The following COG5 variants were observed in gnomAD, a reference collection of about 807,000 sequenced individuals.
The protein encoded by COG5 is conserved oligomeric Golgi complex subunit 5.
Under a neutral mutation model 110.4 loss-of-function variants are expected in COG5, and 86 were observed. That is an observed-to-expected ratio of 0.78 (90% confidence interval 0.65 to 0.93). The LOEUF is 0.93. Ranked by LOEUF, COG5 falls within the 40% of genes least tolerant of loss-of-function variation. The pLI, the probability that COG5 is intolerant of heterozygous loss-of-function variation, is 0.00. For missense variants in COG5, 1,077 were observed against 987.0 expected, an observed-to-expected ratio of 1.09 and a Z score of -1.22; for synonymous variants, 360 against 334.6, an observed-to-expected ratio of 1.08 and a Z score of -0.83.
At chr7:107,300,635 A>G (rs969600235) in intron 11 of COG5, among the ~76,000 whole-genome samples, 1 of 152,178 alleles carries the variant, frequency 6.6e-6, no homozygotes, top group East Asian at 1.9e-4. Context: ...ATAGCTGCAC[A>G]CTGAAAACTA....
chr7:107,258,967 T>G (rs1584584582), intron 14 of COG5, among the ~76,000 whole-genome samples: 1 of 152,238 alleles, frequency 6.6e-6, no homozygotes, highest in East Asian at 1.9e-4. Context: ...TTACTATGAT[T>G]TTTTATAGAT....
chr7:107,467,269 T>C (rs1240658459), intron 6 of COG5, among the ~76,000 whole-genome samples: 3 of 152,190 alleles, frequency 2.0e-5, no homozygotes, highest in African/African-American at 7.2e-5. Flanking sequence ...TATATAAAGG[T>C]TATATTAATT....
At chr7:107,244,216 C>A (rs1034827523) in intron 17 of COG5, among the ~76,000 whole-genome samples, 1 of 152,144 alleles carries the variant, frequency 6.6e-6, no homozygotes, top group Non-Finnish European at 1.5e-5. Context: ...CACGCCACTG[C>A]ACTCCAGCCT....
chr7:107,547,337 A>G lies in COG5; in HGVS notation c.417+774T>C, dbSNP rs368617809. Among the ~76,000 whole-genome samples the G allele has an allele frequency of 7.9e-5, 12 of 152,316 alleles. 1 individual carries two copies. In the East Asian group the frequency reaches 1.2e-3, roughly 15 times the overall value. On this transcript the variant is annotated intron_variant, in intron 5 of 21. Transcript: ENST00000297135. Reference sequence around the variant, plus strand: ...AAATTCAACAACACATCGTGTTAAAAACTCAAAAAAAACTCTATAGAAGGA... The same window carrying G: ...AAATTCAACAACACATCGTGTTAAAGACTCAAAAAAAACTCTATAGAAGGA...
intron 6 of COG5, among the ~76,000 whole-genome samples, chr7:107,479,576 A>G (rs1289981021): frequency 6.6e-6 from 1 of 152,154 alleles, no homozygotes; most frequent in African/African-American, 2.4e-5. Flanking sequence ...GAAAACTGGC[A>G]TAAGAGACTG....
At chr7:107,454,282 A>G (rs748648633) in intron 6 of COG5, among the ~76,000 whole-genome samples, 7 of 152,182 alleles carry the variant, frequency 4.6e-5, no homozygotes, top group Non-Finnish European at 1.0e-4. Context: ...TGAAATCTGA[A>G]AAGTAAAATC....
chr7:107,280,443 C>G (rs1643207345), intron 14 of COG5, among the ~76,000 whole-genome samples: 1 of 151,960 alleles, frequency 6.6e-6, no homozygotes, highest in Admixed American at 6.6e-5. Context: ...ACAGAACAAA[C>G]TGAAACAACT....
At chr7:107,426,415 G>C (rs73187367) in intron 6 of COG5, among the ~76,000 whole-genome samples, 9,336 of 152,200 alleles carry the variant, frequency 0.061, 310 homozygotes, top group African/African-American at 0.088. Context: ...GCTATAACAA[G>C]GTACCATAAA....
intron 21 of COG5, 58 bp from the exon 22 acceptor site, chr7:107,203,688 A>G: frequency 9.4e-7 from 1 of 1,059,642 alleles, no homozygotes; most frequent in Non-Finnish European, 1.5e-6. Context: ...AAAACAGTTA[A>G]GGGGATACCA....
intron 6 of COG5, among the ~76,000 whole-genome samples, chr7:107,420,846 T>G (rs1350262954): frequency 1.3e-5 from 2 of 152,222 alleles, no homozygotes; most frequent in African/African-American, 2.4e-5. Flanking sequence ...AGTAAACTCC[T>G]TTAGCTGAAT....
intron 6 of COG5, among the ~76,000 whole-genome samples, chr7:107,433,096 AAGAGTAAGACACTTAAGAATAAACTT>A (rs1304496893): frequency 6.6e-6 from 1 of 152,198 alleles, no homozygotes; most frequent in African/African-American, 2.4e-5. Context: ...TAGCATCAAA[AAGAGTAAGACACTTAAGAATAAACTT>A]AGAGAAAATA....
At chr7:107,273,953 G>T (rs1312662877) in intron 14 of COG5, among the ~76,000 whole-genome samples, 2 of 152,146 alleles carry the variant, frequency 1.3e-5, no homozygotes, top group Admixed American at 6.5e-5. Context: ...TAATTTAAAA[G>T]CCATATAGGA....
intron 7 of COG5, among the ~76,000 whole-genome samples, chr7:107,394,239 A>T (rs1790828560): frequency 6.6e-6 from 1 of 151,856 alleles, no homozygotes; most frequent in African/African-American, 2.4e-5. Context: ...CTGTGATTAC[A>T]GGCGTGAGCC....
chr7:107,532,335 G>A (rs955064634), intron 5 of COG5, among the ~76,000 whole-genome samples: 1 of 152,134 alleles, frequency 6.6e-6, no homozygotes, highest in African/African-American at 2.4e-5. Flanking sequence ...GGGATTATAG[G>A]AATGGACCAC....
In COG5 at chr7:107,386,482, C is replaced by A. The variant is rs532763259; in HGVS notation, c.670-13722G>T. Among the ~76,000 whole-genome samples, 77 of 152,150 alleles carry A rather than the reference C, an allele frequency of 5.1e-4. No homozygotes were observed. The South Asian group carries it at 0.01, about 20-fold the overall frequency. On this transcript the variant is annotated intron_variant, in intron 7 of 21. Transcript: ENST00000297135. ...GCTGCGGAGGAAGCACGACGGACCG[C>A]CGAAAAGAAGTGAAAAGCACCGCGC...
At chr7:107,348,297 T>A (rs1584710813) in intron 10 of COG5, among the ~76,000 whole-genome samples, 1 of 152,070 alleles carries the variant, frequency 6.6e-6, no homozygotes, top group East Asian at 1.9e-4. Flanking sequence ...AACCCTAAAC[T>A]GGTCTTGTTA....
chr7:107,533,031 A>G (rs1801322666), intron 5 of COG5, among the ~76,000 whole-genome samples: 2 of 147,886 alleles, frequency 1.4e-5, no homozygotes, highest in Non-Finnish European at 2.9e-5. Flanking sequence ...ACTCAAGGAC[A>G]CAGGGTCTGG....
chr7:107,531,825 T>G (rs1038286110), intron 5 of COG5, among the ~76,000 whole-genome samples: 1 of 152,068 alleles, frequency 6.6e-6, no homozygotes, highest in Middle Eastern at 3.2e-3. Context: ...TGCCTGAGAC[T>G]GAGAAGTTTC....
chr7:107,353,133 C>A (rs1812309399), intron 10 of COG5, among the ~76,000 whole-genome samples: 1 of 151,930 alleles, frequency 6.6e-6, no homozygotes. Flanking sequence ...CCATAGAAAA[C>A]AGAATATAGT....
Sources: allele counts gnomAD v4.1 joint callset (sites outside exome capture counted in the v4.1 genomes callset), GRCh38; gene constraint gnomAD v4.1.1; transcripts MANE v1.5; gene names NCBI Gene and HGNC (gene_info 2026-07-23, HGNC 2026-07-21).